DAB1: variants seen among roughly 807,000 people sequenced by gnomAD.
The protein encoded by DAB1 is disabled homolog 1.
In DAB1, 15 loss-of-function variants were observed where a neutral mutation model predicts 64.6. The ratio of observed to expected loss-of-function variants is 0.23; its 90% CI spans 0.16 to 0.36. DAB1 has a LOEUF of 0.36. DAB1 is among the 10% of genes least tolerant of loss of function. The probability of loss-of-function intolerance (pLI) is 1.00; values close to 1 mark genes in which losing one functional copy is unlikely to be tolerated. For synonymous variants in DAB1, 235 were observed against 251.9 expected, an observed-to-expected ratio of 0.93 and a Z score of 0.64; for missense variants, 596 against 706.7, an observed-to-expected ratio of 0.84 and a Z score of 1.78.
At chr1:58,064,482 A>G (rs924162396) in intron 5 of DAB1, among the ~76,000 whole-genome samples, 3 of 152,056 alleles carry the variant, frequency 2.0e-5, no homozygotes, top group Admixed American at 6.5e-5. Flanking sequence ...GGCGCTGTGG[A>G]GTGCTCAGAA....
chr1:57,520,480 T>C (rs1644512853), intron 7 of DAB1, among the ~76,000 whole-genome samples: 1 of 152,158 alleles, frequency 6.6e-6, no homozygotes, highest in Non-Finnish European at 1.5e-5. Context: ...GTTTTGCATA[T>C]ATTGTTCTTT....
chr1:57,118,915 A>G (rs981690598), intron 4 of DAB1, among the ~76,000 whole-genome samples: 3 of 152,156 alleles, frequency 2.0e-5, no homozygotes, highest in African/African-American at 7.2e-5. Context: ...CGCATTTATG[A>G]TGATAGAACA....
intron 5 of DAB1, among the ~76,000 whole-genome samples, chr1:58,045,181 C>T (rs1046871795): frequency 2.0e-5 from 3 of 152,148 alleles, no homozygotes; most frequent in Admixed American, 1.3e-4. Flanking sequence ...TCCTGCAGGC[C>T]GGCCGACAGC....
chr1:58,041,236 T>G (rs1452871015), intron 5 of DAB1, among the ~76,000 whole-genome samples: 1 of 152,238 alleles, frequency 6.6e-6, no homozygotes, highest in East Asian at 1.9e-4. Flanking sequence ...GCCTGCATAT[T>G]ACAGTTGTCA....
In DAB1 at chr1:57,439,418, G is replaced by GT; in HGVS notation, n.626-148253dup. Reference sequence around the variant, plus strand: ...GCCATGCCATCAACTTGGTGATGAGGTTTTTTCTTTTTTTTTTTTTTTTTT... The same window carrying GT: ...GCCATGCCATCAACTTGGTGATGAGGTTTTTTTCTTTTTTTTTTTTTTTTTT... On this transcript the variant is annotated intron_variant and non_coding_transcript_variant, in intron 7 of 20. Coordinates refer to the DAB1 transcript ENST00000485760. Among the ~76,000 whole-genome samples the GT allele has an allele frequency of 2.0e-3, 235 of 115,978 alleles. 4 individuals are homozygous for GT. Among genetic ancestry groups the GT allele is most frequent in the African/African-American group, 3.3e-3 (92 of 28,234 alleles). 76.1% of individuals were successfully genotyped at this position (115,978 alleles called of 152,430 possible).
At chr1:58,414,521 C>T (rs1407916951) in intron 3 of DAB1, among the ~76,000 whole-genome samples, 1 of 152,132 alleles carries the variant, frequency 6.6e-6, no homozygotes, top group Non-Finnish European at 1.5e-5. Context: ...TAGAATAATG[C>T]CTGACATACA....
At chr1:57,899,877 G>T (rs1372349269) in intron 5 of DAB1, among the ~76,000 whole-genome samples, 1 of 151,970 alleles carries the variant, frequency 6.6e-6, no homozygotes, top group East Asian at 1.9e-4. Flanking sequence ...GGAAACTCAT[G>T]CTCAATGGAA....
intron 6 of DAB1, among the ~76,000 whole-genome samples, chr1:57,730,091 C>A (rs1293966080): frequency 1.3e-5 from 2 of 152,136 alleles, no homozygotes; most frequent in Non-Finnish European, 2.9e-5. Flanking sequence ...CACCAGTCAT[C>A]AAATTCTAAT....
chr1:57,683,629 CTA>C (rs2101701636), intron 6 of DAB1, among the ~76,000 whole-genome samples: 1 of 152,284 alleles, frequency 6.6e-6, no homozygotes, highest in South Asian at 2.1e-4. Flanking sequence ...ATACAATTGA[CTA>C]TCCTCAACTT....
At chr1:57,470,533 G>A (rs1241657580) in intron 7 of DAB1, among the ~76,000 whole-genome samples, 1 of 152,134 alleles carries the variant, frequency 6.6e-6, no homozygotes, top group Non-Finnish European at 1.5e-5. Context: ...GGTTAAGTGT[G>A]TTACTTTTCA....
At position 58,256,760 on chromosome 1, in the gene DAB1, T is replaced by C. The variant is rs553273051; in HGVS notation, n.309+86592A>G. 1.4e-4 allele frequency among the ~76,000 whole-genome samples: 21 copies of C among 152,280 alleles called. No individual in the cohort carries two copies. The East Asian group carries it at 4.1e-3, about 29-fold the overall frequency. On this transcript the variant is annotated intron_variant and non_coding_transcript_variant, in intron 4 of 20. Coordinates refer to the DAB1 transcript ENST00000485760. The stretch of plus-strand genomic sequence containing the variant: ...AAATCTATAGACTGGCTGGCACTAA[T>C]ATAGGCTTGGAAAACATTTGACAAA...
chr1:57,894,840 G>A (rs1309101100), intron 5 of DAB1, among the ~76,000 whole-genome samples: 3 of 152,042 alleles, frequency 2.0e-5, no homozygotes, highest in African/African-American at 7.2e-5. Context: ...GGTGGGAGAG[G>A]GAAGAGGTTT....
chr1:57,460,947 C>A (rs1290303388), intron 7 of DAB1, among the ~76,000 whole-genome samples: 1 of 152,182 alleles, frequency 6.6e-6, no homozygotes, highest in East Asian at 1.9e-4. Flanking sequence ...AGGTTTGTTA[C>A]ATAGGTAAAC....
intron 5 of DAB1, among the ~76,000 whole-genome samples, chr1:57,991,004 A>T (rs1447818163): frequency 1.3e-5 from 2 of 152,098 alleles, no homozygotes; most frequent in East Asian, 1.9e-4. Flanking sequence ...TGGAATAATG[A>T]CTGTGGCCAA....
intron 4 of DAB1, among the ~76,000 whole-genome samples, chr1:58,265,738 G>A (rs183351619): frequency 1.3e-5 from 2 of 152,276 alleles, no homozygotes; most frequent in Admixed American, 1.3e-4. Context: ...AAAAAGGATA[G>A]GATCAGAATT....
intron 4 of DAB1, 42 bp downstream of exon 4, chr1:57,136,501 A>G: frequency 8.3e-7 from 1 of 1,209,734 alleles, no homozygotes; most frequent in Non-Finnish European, 1.2e-6. Flanking sequence ...TACATCTGTC[A>G]ATGGATAAAA....
chr1:58,354,533 G>T (rs1644090697), intron 3 of DAB1, among the ~76,000 whole-genome samples: 1 of 152,178 alleles, frequency 6.6e-6, no homozygotes, highest in Non-Finnish European at 1.5e-5. Flanking sequence ...AAGTCGAACA[G>T]TGAGTAGTTA....
chr1:57,066,061 G>A (rs1650879036), intron 8 of DAB1, among the ~76,000 whole-genome samples: 1 of 152,182 alleles, frequency 6.6e-6, no homozygotes, highest in Non-Finnish European at 1.5e-5. Context: ...TTAATTAATA[G>A]TGTGGAGAGG....
At chr1:57,757,220 T>TTTTTTTTTTTTTTTTTTC (rs200688727) in intron 6 of DAB1, among the ~76,000 whole-genome samples, 1 of 120,152 alleles carries the variant, frequency 8.3e-6, no homozygotes, top group Non-Finnish European at 1.8e-5. Context: ...TTTTTTTTTT[T>TTTTTTTTTTTTTTTTTTC]AGCAGCAATG....
Sources: gnomAD v4.1 joint callset for allele counts (sites outside exome capture counted in the v4.1 genomes callset) on GRCh38, gnomAD v4.1.1 for gene constraint, MANE v1.5 for transcripts, NCBI Gene and HGNC (gene_info 2026-07-23, HGNC 2026-07-21) for gene names.